The following CCAR1 variants were observed in gnomAD, a reference collection of about 807,000 sequenced individuals.
CCAR1 encodes the protein cell division cycle and apoptosis regulator 1, also known as cell division cycle and apoptosis regulator protein 1.
Under a neutral mutation model 163.8 loss-of-function variants are expected in CCAR1, and 78 were observed. That is an observed-to-expected ratio of 0.48 (90% CI 0.40 to 0.57). CCAR1 has a LOEUF of 0.57. CCAR1 is among the 20% of genes least tolerant of loss of function. CCAR1 has a pLI of 0.00. For synonymous variants in CCAR1, 443 were observed against 460.7 expected, an observed-to-expected ratio of 0.96 and a Z score of 0.49; for missense variants, 1,019 against 1,365.2, an observed-to-expected ratio of 0.75 and a Z score of 4.00.
At chr10:68,790,812 C>T (rs2056844478) in intron 24 of CCAR1, among the ~76,000 whole-genome samples, 1 of 147,772 alleles carries the variant, frequency 6.8e-6, no homozygotes, top group South Asian at 2.2e-4. Flanking sequence ...ATTGAGACCA[C>T]AGTAAAACCC....
At chr10:68,731,722 C>G (rs762757487) in intron 2 of CCAR1, among the ~76,000 whole-genome samples, 1 of 150,260 alleles carries the variant, frequency 6.7e-6, no homozygotes, top group Non-Finnish European at 1.5e-5. Context: ...TCAGAAGAAG[C>G]TGGGATTACA....
intron 24 of CCAR1, among the ~76,000 whole-genome samples, chr10:68,790,190 C>G (rs2056837739): frequency 6.6e-6 from 1 of 151,884 alleles, no homozygotes. Flanking sequence ...CCCATGTCTA[C>G]TAAAAATACA....
Position 68,740,543 on chromosome 10 carries a change from T to G in CCAR1, c.292-86T>G, listed in dbSNP as rs372193617. 4.7e-6 allele frequency: 5 copies of G among 1,069,148 alleles called. No individual in the cohort carries two copies. In the South Asian group the frequency reaches 5.4e-5, roughly 11 times the overall value. The allele number at this position is 1,069,148 out of a possible 1,614,324, so 66.2% of individuals were successfully genotyped here. On this transcript the variant is annotated intron_variant, in intron 4 of 24. Transcript: ENST00000265872. ...AAATAAAAATAAGTAGAATAACTTT[T>G]ATAGGATTATTTCTTTTATGAAGCA...
intron 2 of CCAR1, among the ~76,000 whole-genome samples, chr10:68,736,226 C>A (rs1288678997): frequency 2.0e-5 from 3 of 152,048 alleles, no homozygotes; most frequent in Admixed American, 6.6e-5. Flanking sequence ...TATACATACA[C>A]AATTACTTAA....
chr10:68,753,159 C>T (rs1299464238), intron 10 of CCAR1, among the ~76,000 whole-genome samples: 1 of 152,036 alleles, frequency 6.6e-6, no homozygotes, highest in Non-Finnish European at 1.5e-5. Flanking sequence ...CCAGATTGAC[C>T]TTTCAGTTCC....
chr10:68,779,649 C>G (rs2056711712), intron 19 of CCAR1, among the ~76,000 whole-genome samples: 1 of 152,182 alleles, frequency 6.6e-6, no homozygotes, highest in Non-Finnish European at 1.5e-5. Context: ...ACTTTCATCA[C>G]TCTTCTTTGG....
rs540059586 is a variant in CCAR1, at chr10:68,766,187, T to G, written c.2298+108T>G. The G allele has an allele frequency of 5.0e-5, 36 of 719,942 alleles. No homozygotes were observed. In the African/African-American group the frequency reaches 6.7e-4, roughly 13 times the overall value. The allele number at this position is 719,942 out of a possible 1,614,324, so 44.6% of individuals were successfully genotyped here. A position where few individuals can be genotyped will look rare whatever the true frequency, so the allele number is the denominator to read the frequency against. ...TTTCTTTGTTTTTCGCTTTTCGTGG[T>G]TTTTTTTGTTTTGTTTTGTTTTTGT... On this transcript the variant is annotated intron_variant, in intron 17 of 24. Coordinates refer to ENST00000265872, the MANE Select transcript of CCAR1 (RefSeq NM_018237.4).
rs2056399521 is a variant in CCAR1, at chr10:68,756,601, C to T, written c.1836+118C>T. 3.7e-6 allele frequency: 3 copies of T among 817,240 alleles called. No homozygotes were observed. The African/African-American group carries it at 5.1e-5, about 14-fold the overall frequency. The allele number at this position is 817,240 out of a possible 1,614,324, so 50.6% of individuals were successfully genotyped here. A position where few individuals can be genotyped will look rare whatever the true frequency, so the allele number is the denominator to read the frequency against. ...CATGGAGGAACATAACTGGTAACAG[C>T]GACTGGTAATCCAGCTTTCAGCAGT... is the stretch of plus-strand genomic sequence containing the variant. On this transcript the variant is annotated intron_variant, in intron 14 of 24. Transcript: ENST00000265872. The surrounding 1 kb of genome is among the most constrained non-coding windows in gnomAD (Gnocchi z 5.1).
chr10:68,781,143 G>T (rs953991320), intron 19 of CCAR1, among the ~76,000 whole-genome samples: 9 of 150,476 alleles, frequency 6.0e-5, no homozygotes, highest in African/African-American at 2.2e-4. Context: ...GGGGGCATGA[G>T]AATTGTTTGA....
intron 17 of CCAR1, among the ~76,000 whole-genome samples, chr10:68,766,491 C>T (rs540001864): frequency 6.6e-6 from 1 of 151,784 alleles, no homozygotes; most frequent in African/African-American, 2.4e-5. Flanking sequence ...GTGTGAGCCA[C>T]CATGCCCGTA....
chr10:68,738,481 G>A (rs2056141863), intron 4 of CCAR1, among the ~76,000 whole-genome samples: 1 of 152,100 alleles, frequency 6.6e-6, no homozygotes, highest in Admixed American at 6.5e-5. Flanking sequence ...CCACCCTTTG[G>A]ACTGTTATGC....
chr10:68,791,312 A>G lies in CCAR1; in HGVS notation c.*46A>G. The G allele has an allele frequency of 7.9e-7, 1 of 1,268,008 alleles. No homozygotes were observed. The highest frequency in any genetic ancestry group is 1.9e-4 in the Middle Eastern group (1 of 5,210). 78.5% of individuals were successfully genotyped at this position (1,268,008 alleles called of 1,614,324 possible). A position where few individuals can be genotyped will look rare whatever the true frequency, so the allele number is the denominator to read the frequency against. ...GGAATGGTGTTAAATAATGTAATAT[A>G]TAAAAATCATGATATAAGAATGTTT... is the stretch of plus-strand genomic sequence containing the variant. On this transcript the variant is annotated 3_prime_UTR_variant, in exon 25 of 25. Coordinates refer to ENST00000265872, the MANE Select transcript of CCAR1 (RefSeq NM_018237.4).
rs2056598452 is a variant in CCAR1 at position 68,771,217 on chromosome 10, T to C, written c.2310T>C (p.Phe770=). 1 of 1,586,948 alleles carries C rather than the reference T, an allele frequency of 6.3e-7. No homozygotes were observed. Among genetic ancestry groups the C allele is most frequent in the Non-Finnish European group, 8.5e-7 (1 of 1,172,646 alleles). Residue 770 remains phenylalanine (F), a synonymous_variant, in exon 18 of 25, where the codon TTT becomes TTC. Transcript: ENST00000265872. ...ATATCTTTTTATAGGTTTCATTGTT[T>C]GCGGAACTTTTCAACGAAATGCTTC... ...NKEHSFEVSL[F]AELFNEMLQR...
At chr10:68,721,455 C>G (rs2055854451) in intron 1 of CCAR1, 173 bp downstream of exon 1, 1 of 334,898 alleles carries the variant, frequency 3.0e-6, no homozygotes, top group Non-Finnish European at 5.8e-6. Flanking sequence ...CCCTTTTGTG[C>G]GGGTCGGAGC....
intron 4 of CCAR1, among the ~76,000 whole-genome samples, chr10:68,739,081 C>A (rs1009295652): frequency 5.3e-5 from 8 of 152,178 alleles, no homozygotes; most frequent in African/African-American, 1.9e-4. Context: ...TAGGAACTGT[C>A]AAGGAAAGAG....
At chr10:68,721,539 G>A in intron 1 of CCAR1, 1 of 447,454 alleles carries the variant, frequency 2.2e-6, no homozygotes, top group Non-Finnish European at 4.5e-6. Flanking sequence ...GCCTCGGCAT[G>A]GCGACGCTGC....
intron 1 of CCAR1, 45 bp from the exon 2 acceptor site, chr10:68,722,410 C>T (rs1350101530): frequency 3.2e-6 from 3 of 928,054 alleles, no homozygotes; most frequent in Non-Finnish European, 5.4e-6. Flanking sequence ...TTTGTGATAT[C>T]TGTAGCTTGG....
chr10:68,773,117 T>G lies in CCAR1; in HGVS notation c.2650+18T>G. The G allele has an allele frequency of 1.7e-6, 2 of 1,204,586 alleles. No homozygotes were observed. Among genetic ancestry groups the G allele is most frequent in the East Asian group, 2.4e-5 (1 of 41,162 alleles). 74.6% of individuals were successfully genotyped at this position (1,204,586 alleles called of 1,614,324 possible). A position where few individuals can be genotyped will look rare whatever the true frequency, so the allele number is the denominator to read the frequency against. ...AGAAGATGGTATGATTGAAATTTAT[T>G]TATTACTTCTTAGAGTTAAGAATAC... is the stretch of plus-strand genomic sequence containing the variant. On this transcript the variant is annotated intron_variant, in intron 19 of 24. Coordinates refer to ENST00000265872, the MANE Select transcript of CCAR1 (RefSeq NM_018237.4).
At chr10:68,789,194 C>T (rs567876580) in intron 23 of CCAR1, among the ~76,000 whole-genome samples, 1 of 152,138 alleles carries the variant, frequency 6.6e-6, no homozygotes, top group East Asian at 2.0e-4. Context: ...CAGGCATGAG[C>T]CACTGCGCCT....
Sources: allele counts gnomAD v4.1 joint callset (sites outside exome capture counted in the v4.1 genomes callset), GRCh38; gene constraint gnomAD v4.1.1; non-coding constraint Gnocchi (gnomAD v3.1); transcripts MANE v1.5; gene names NCBI Gene and HGNC (gene_info 2026-07-23, HGNC 2026-07-21).